Variants in CLSTN2 observed in about 807,000 individuals in gnomAD.
CLSTN2 encodes the protein calsyntenin-2.
A neutral mutation model predicts 101.2 loss-of-function variants in CLSTN2; 48 were observed. That is an observed-to-expected ratio of 0.47 (90% CI 0.38 to 0.60). The LOEUF is 0.60. CLSTN2 is among the 20% of genes least tolerant of loss of function. CLSTN2 has a pLI of 0.00. For synonymous variants in CLSTN2, 481 were observed against 463.6 expected (o/e 1.04, Z -0.48); for missense variants, 1,160 against 1,238.2 (o/e 0.94, Z 0.95).
At chr3:140,162,440 G>A (rs145529497) in intron 1 of CLSTN2, among the ~76,000 whole-genome samples, 2 of 152,248 alleles carry the variant, frequency 1.3e-5, no homozygotes, top group Non-Finnish European at 2.9e-5. Context: ...GTATCTAGGG[G>A]TGGAAGAGTA....
intron 2 of CLSTN2, among the ~76,000 whole-genome samples, chr3:140,229,153 G>T (rs2086349785): frequency 6.6e-6 from 1 of 152,110 alleles, no homozygotes; most frequent in Non-Finnish European, 1.5e-5. Context: ...TTCCAGGATT[G>T]CAGGAGCCTA....
intron 2 of CLSTN2, among the ~76,000 whole-genome samples, chr3:140,241,221 G>T (rs967463870): frequency 6.6e-6 from 1 of 152,102 alleles, no homozygotes; most frequent in Non-Finnish European, 1.5e-5. Flanking sequence ...TGCTGCCCAT[G>T]GTCAGGATAG....
At chr3:140,392,601 A>G (rs1303390598) in intron 2 of CLSTN2, among the ~76,000 whole-genome samples, 1 of 152,164 alleles carries the variant, frequency 6.6e-6, no homozygotes, top group African/African-American at 2.4e-5. Flanking sequence ...CAAGCATTCC[A>G]ACACCACATT....
At chr3:140,001,208 G>A (rs528143773) in intron 1 of CLSTN2, among the ~76,000 whole-genome samples, 10 of 152,234 alleles carry the variant, frequency 6.6e-5, no homozygotes, top group East Asian at 1.9e-4. Context: ...CTCTTACTAC[G>A]TGTAAGTTAG....
intron 1 of CLSTN2, among the ~76,000 whole-genome samples, chr3:140,155,020 T>C (rs2009932498): frequency 6.6e-6 from 1 of 151,988 alleles, no homozygotes; most frequent in Non-Finnish European, 1.5e-5. Flanking sequence ...TCCCTTGACA[T>C]GTGGGGATTA....
At chr3:140,076,526 A>T (rs1007838103) in intron 1 of CLSTN2, among the ~76,000 whole-genome samples, 1 of 144,698 alleles carries the variant, frequency 6.9e-6, no homozygotes, top group Non-Finnish European at 1.5e-5. Context: ...ATGTCACTTG[A>T]GTGGCTGATG....
intron 2 of CLSTN2, among the ~76,000 whole-genome samples, chr3:140,324,094 A>C (rs936923377): frequency 6.6e-6 from 1 of 152,210 alleles, no homozygotes; most frequent in Non-Finnish European, 1.5e-5. Context: ...GGGACATGAT[A>C]TTTTGTTGCC....
intron 2 of CLSTN2, among the ~76,000 whole-genome samples, chr3:140,359,993 TACACACACAC>T (rs55746611): frequency 1.1e-3 from 156 of 145,800 alleles, no homozygotes; most frequent in South Asian, 5.1e-3. Flanking sequence ...ACATATTTTA[TACACACACAC>T]ACACACACAC....
intron 9 of CLSTN2, among the ~76,000 whole-genome samples, chr3:140,545,083 A>G (rs1935561305): frequency 1.3e-5 from 2 of 152,212 alleles, no homozygotes; most frequent in African/African-American, 4.8e-5. Flanking sequence ...AGAACTCTAA[A>G]GAACATAGGA....
At chr3:140,540,599 G>A (rs528730124) in intron 9 of CLSTN2, among the ~76,000 whole-genome samples, 2 of 152,048 alleles carry the variant, frequency 1.3e-5, no homozygotes, top group South Asian at 4.1e-4. Context: ...GCATCCCCAG[G>A]AAACAGCCAT....
At chr3:140,186,925 C>A (rs949607133) in intron 2 of CLSTN2, among the ~76,000 whole-genome samples, 1 of 151,938 alleles carries the variant, frequency 6.6e-6, no homozygotes, top group Non-Finnish European at 1.5e-5. Flanking sequence ...GTTAAAAAAA[C>A]AAAACAAAAC....
At chr3:139,959,379 T>C (rs770688194) in intron 1 of CLSTN2, among the ~76,000 whole-genome samples, 2 of 152,228 alleles carry the variant, frequency 1.3e-5, no homozygotes, top group African/African-American at 2.4e-5. Flanking sequence ...GTGTCGTTAG[T>C]TTCTTCTTAG....
rs140714308 is a variant in CLSTN2 at position 140,144,473 on chromosome 3, G to A, written c.110-31478G>A. 9.6e-4 allele frequency among the ~76,000 whole-genome samples: 146 copies of A among 152,082 alleles called. 1 individual carries two copies. Among genetic ancestry groups the A allele is most frequent in the African/African-American group, 3.4e-3 (140 of 41,470 alleles). ...AAAATACAAAATACAAAAATTAGCC[G>A]GGCATGGTGGTGGGTGCCTATAATC... On this transcript the variant is annotated intron_variant, in intron 1 of 16. Transcript: ENST00000458420.
chr3:140,540,912 G>T (rs1004707184), intron 9 of CLSTN2, among the ~76,000 whole-genome samples: 21 of 152,154 alleles, frequency 1.4e-4, no homozygotes, highest in Non-Finnish European at 7.3e-5. Flanking sequence ...TGCAAACTCC[G>T]ACTCAGAATA....
chr3:140,466,402 G>A (rs1190688592), intron 7 of CLSTN2, among the ~76,000 whole-genome samples: 2 of 152,112 alleles, frequency 1.3e-5, no homozygotes, highest in African/African-American at 4.8e-5. Flanking sequence ...GTTTGGCTGT[G>A]GGTTTTCCTG....
rs539826055 is a variant in CLSTN2 at position 140,377,656 on chromosome 3, T to A, written c.233-25973T>A. Among the ~76,000 whole-genome samples the A allele has an allele frequency of 5.9e-5, 9 of 152,320 alleles. No individual in the cohort carries two copies. The East Asian group carries it at 1.5e-3, about 26-fold the overall frequency. On this transcript the variant is annotated intron_variant, in intron 2 of 16. Transcript: ENST00000458420. ...ACTAATATAAAGAAAGAAAACATTT[T>A]TTTACAGCTATACAGTGTGTTTTAA...
chr3:140,566,274 G>A lies in CLSTN2; in HGVS notation c.*21G>A, dbSNP rs529066176. The stretch of plus-strand genomic sequence containing the variant: ...ACTAGTGCCCAGGGGTCTGCTGCCT[G>A]GCCCACATGTCCCTTTTGTAAACCC... On this transcript the variant is annotated 3_prime_UTR_variant, in exon 17 of 17. Transcript: ENST00000458420. The A allele has an allele frequency of 1.6e-5, 25 of 1,549,734 alleles. No individual in the cohort carries two copies. Among genetic ancestry groups the A allele is most frequent in the Middle Eastern group, 4.5e-4 (2 of 4,450 alleles).
chr3:140,506,539 A>T (rs1296859770), intron 8 of CLSTN2: 1 of 152,214 alleles, frequency 6.6e-6, no homozygotes, highest in Non-Finnish European at 1.5e-5. Context: ...GGTGCCCAGT[A>T]ACAGAGTAAG....
chr3:140,062,822 G>A (rs2008229804), intron 1 of CLSTN2, among the ~76,000 whole-genome samples: 1 of 152,100 alleles, frequency 6.6e-6, no homozygotes, highest in African/African-American at 2.4e-5. Context: ...GTCTGAACCA[G>A]GGTTCTTAAA....
Sources: allele counts gnomAD v4.1 joint callset (sites outside exome capture counted in the v4.1 genomes callset), GRCh38; gene constraint gnomAD v4.1.1; transcripts MANE v1.5; gene names NCBI Gene and HGNC (gene_info 2026-07-23, HGNC 2026-07-21).